Variants in RYR1 observed in about 807,000 individuals in gnomAD.
RYR1 encodes central core disease of muscle.
RYR1 carries 342 observed loss-of-function variants against 583.5 expected under a neutral mutation model. The ratio of observed to expected loss-of-function variants is 0.59; its 90% CI spans 0.54 to 0.64. The LOEUF is 0.64. RYR1 is among the 30% of genes least tolerant of loss of function. The pLI is 0.00. For synonymous variants in RYR1, 2,791 were observed against 2,822.5 expected (o/e 0.99, Z 0.35); for missense variants, 6,032 against 6,917.2 (o/e 0.87, Z 4.54).
At chr19:38,441,741 G>C (rs1162084724) in intron 2 of RYR1, among the ~76,000 whole-genome samples, 2 of 151,732 alleles carry the variant, frequency 1.3e-5, no homozygotes, top group Non-Finnish European at 2.9e-5. Flanking sequence ...ATCTGATGGG[G>C]GGGAAGTTTC....
intron 69 of RYR1, chr19:38,523,635 CCCTCCT>C (rs968446780): frequency 1.2e-5 from 7 of 607,934 alleles, no homozygotes; most frequent in African/African-American, 9.2e-5. Flanking sequence ...CCTCCCATTT[CCCTCCT>C]CCTCCTCCTC....
chr19:38,498,299 C>G (rs748628767), intron 42 of RYR1, among the ~76,000 whole-genome samples: 3 of 152,038 alleles, frequency 2.0e-5, no homozygotes, highest in Non-Finnish European at 4.4e-5. Context: ...TGACCTGACT[C>G]AGGTGTTCAC....
In RYR1 at chr19:38,519,375, G is replaced by A; in HGVS notation, c.10180G>A (p.Val3394Met). The A allele has an allele frequency of 1.9e-6, 3 of 1,607,916 alleles. No individual in the cohort carries two copies. The highest frequency in any genetic ancestry group is 1.1e-5 in the South Asian group (1 of 90,342). ...KAEAQEGELL[V>M]RDEFSVLCRD... ...GGAGGCCCAGGAGGGCGAGCTGCTG[G>A]TGCGGGACGAGTTCTCTGTGCTCTG... is the stretch of plus-strand genomic sequence containing the variant. Residue 3394 changes from valine to methionine, a missense_variant, in exon 67 of 106, where the codon GTG becomes ATG. Transcript: ENST00000359596.
chr19:38,469,292 C>G lies in RYR1; in HGVS notation c.3557-13C>G. The G allele has an allele frequency of 3.1e-6, 5 of 1,613,592 alleles. No individual in the cohort carries two copies. Among genetic ancestry groups the G allele is most frequent in the Non-Finnish European group, 4.2e-6 (5 of 1,179,902 alleles). ...CCTGCCCTCACCCCTGCCCATCCAT[C>G]CCCTCCCACCAGGCTTCCTGCCCGT... On this transcript the variant is annotated splice_polypyrimidine_tract_variant and intron_variant, in intron 26 of 105. Transcript: ENST00000359596.
chr19:38,573,755 ACT>A (rs2145875711), intron 96 of RYR1, among the ~76,000 whole-genome samples: 1 of 150,766 alleles, frequency 6.6e-6, no homozygotes, highest in South Asian at 2.1e-4. Context: ...CCCAAGTCTT[ACT>A]CTTTCTTTCC....
At chr19:38,587,085 A>G (rs1974526174) in intron 105 of RYR1, among the ~76,000 whole-genome samples, 1 of 152,146 alleles carries the variant, frequency 6.6e-6, no homozygotes, top group Non-Finnish European at 1.5e-5. Context: ...CTAGGAACAC[A>G]GCGAGACCCT....
intron 3 of RYR1, among the ~76,000 whole-genome samples, chr19:38,442,910 C>T (rs969758113): frequency 4.6e-5 from 7 of 152,208 alleles, no homozygotes; most frequent in African/African-American, 1.4e-4. Context: ...CCATCCCAAG[C>T]GTGAGTCCCT....
intron 19 of RYR1, 135 bp from the exon 20 acceptor site, chr19:38,460,240 A>G (rs1967653087): frequency 1.0e-5 from 8 of 793,328 alleles, no homozygotes; most frequent in South Asian, 2.8e-5. Context: ...CCTCCAGGAC[A>G]CTATGACTGC....
rs780591516 is a variant in RYR1, at chr19:38,440,858, C to T, written c.159C>T (p.Asn53=). 44 of 1,611,852 alleles carry T rather than the reference C, an allele frequency of 2.7e-5. No homozygotes were observed. Among genetic ancestry groups the T allele is most frequent in the Middle Eastern group, 1.7e-4 (1 of 6,044 alleles). ...NRLCFLEPTS[N]AQNVPPDLAI... ...TGTGCTTCCTGGAGCCCACTAGCAA[C>T]GCGCAGGTCTGTGCAGGAGGGAGAG... The change falls in exon 2 of 106, where the codon AAC becomes AAT. Residue 53 remains asparagine, a synonymous_variant. Coordinates refer to ENST00000359596, the MANE Select transcript of RYR1 (RefSeq NM_000540.3).
In RYR1 at chr19:38,451,758, T is replaced by C. The variant is rs1967085210; in HGVS notation, c.1123-6T>C. The C allele has an allele frequency of 1.9e-6, 3 of 1,613,826 alleles. No homozygotes were observed. Among genetic ancestry groups the C allele is most frequent in the Non-Finnish European group, 1.7e-6 (2 of 1,179,998 alleles). ...CCACTCCAGACCTCTGTCTCCCCAC[T>C]CCTAGGCCATGCTGCACCAGGAGGG... is the stretch of plus-strand genomic sequence containing the variant. On this transcript the variant is annotated splice_polypyrimidine_tract_variant and splice_region_variant and intron_variant, in intron 11 of 105. Coordinates refer to ENST00000359596, the MANE Select transcript of RYR1 (RefSeq NM_000540.3).
At position 38,528,751 on chromosome 19, in the gene RYR1, A is replaced by C; in HGVS notation, c.11034+56A>C. On this transcript the variant is annotated intron_variant, in intron 75 of 105. Coordinates refer to ENST00000359596, the MANE Select transcript of RYR1 (RefSeq NM_000540.3). ...GGCGAGCTGGATAGGGCTGGGGCGG[A>C]GGCCACCCTTGGCACACCTCCAGGG... 3.8e-6 allele frequency: 6 copies of C among 1,580,330 alleles called. No individual in the cohort carries two copies. In the East Asian group the frequency reaches 1.1e-4, roughly 29 times the overall value.
At position 38,485,660 on chromosome 19, in the gene RYR1, T is replaced by C. The variant is rs1313713863; in HGVS notation, c.5005T>C (p.Tyr1669His). 1.2e-6 allele frequency: 2 copies of C among 1,610,752 alleles called. No individual in the cohort carries two copies. Among genetic ancestry groups the C allele is most frequent in the African/African-American group, 1.3e-5 (1 of 75,056 alleles). ...QRFHSHTLRLYRAVCALGNNR... is the reference protein window; with the variant it reads ...QRFHSHTLRLHRAVCALGNNR... ...CTTCCACTCGCACACCCTGCGCCTC[T>C]ACCGCGCTGTGTGCGCCCTGGGCAA... Residue 1669 changes from tyrosine (Y) to histidine (H), a missense_variant, in exon 34 of 106, where the codon TAC becomes CAC. Tyr to His is a moderately conservative substitution (Grantham distance 83, BLOSUM62 2). This residue lies in a region of RYR1 where 2,627 missense variants were observed against 2,961.3 expected (regional missense o/e 0.89). Transcript: ENST00000359596.
intron 96 of RYR1, among the ~76,000 whole-genome samples, chr19:38,573,718 A>C (rs1973832619): frequency 6.6e-6 from 1 of 151,242 alleles, no homozygotes; most frequent in Non-Finnish European, 1.5e-5. Context: ...CTAGGGTTTC[A>C]GTCCCTGCAG....
At chr19:38,582,160 G>T (rs1174911573) in intron 101 of RYR1, among the ~76,000 whole-genome samples, 1 of 152,138 alleles carries the variant, frequency 6.6e-6, no homozygotes, top group African/African-American at 2.4e-5. Context: ...CACTTTGGGG[G>T]GCTGAGGGGG....
At chr19:38,534,554 A>G (rs1971880767) in intron 78 of RYR1, among the ~76,000 whole-genome samples, 166 bp from the exon 79 acceptor site, 1 of 152,208 alleles carries the variant, frequency 6.6e-6, no homozygotes, top group Non-Finnish European at 1.5e-5. Context: ...TGCTAGGTAC[A>G]GGAGATACAT....
chr19:38,576,296 A>C (rs1973953432), intron 97 of RYR1, among the ~76,000 whole-genome samples: 1 of 152,098 alleles, frequency 6.6e-6, no homozygotes, highest in Admixed American at 6.6e-5. Flanking sequence ...TCTACCAAAA[A>C]TACAAAAAAT....
intron 31 of RYR1, among the ~76,000 whole-genome samples, chr19:38,482,513 C>A (rs903007350): frequency 6.6e-6 from 1 of 152,012 alleles, no homozygotes; most frequent in Non-Finnish European, 1.5e-5. Flanking sequence ...TGCGGTGGTG[C>A]AATCATGGCT....
Position 38,466,103 on chromosome 19 carries a change from C to A in RYR1, c.2883C>A (p.Ser961Arg). 1 of 1,610,644 alleles carries A rather than the reference C, an allele frequency of 6.2e-7. No homozygotes were observed. ...ACCATGCCCGCAGGTATATGATGAGCAATGGGTACAAGCCGGCTCCGCTGG... is the reference window on the plus strand; with the variant it reads ...ACCATGCCCGCAGGTATATGATGAGAAATGGGTACAAGCCGGCTCCGCTGG... ...KTKLPKTYMM[S>R]NGYKPAPLDL... Residue 961 changes from serine (S) to arginine (R), a missense_variant, in exon 24 of 106, where the codon AGC (serine) becomes AGA (arginine). Coordinates refer to ENST00000359596, the MANE Select transcript of RYR1 (RefSeq NM_000540.3).
At chr19:38,516,584 G>GCAAA (rs982623808) in intron 65 of RYR1, among the ~76,000 whole-genome samples, 3 of 152,092 alleles carry the variant, frequency 2.0e-5, no homozygotes. Flanking sequence ...GGGCAACATA[G>GCAAA]CAAAACCCCA....
Sources: gnomAD v4.1 joint callset for allele counts (sites outside exome capture counted in the v4.1 genomes callset) on GRCh38, gnomAD v4.1.1 for gene constraint, gnomAD v4.1.1 regional missense constraint, MANE v1.5 for transcripts, NCBI Gene and HGNC (gene_info 2026-07-23, HGNC 2026-07-21) for gene names.